The following PFKFB3 variants were observed in gnomAD, a reference collection of about 807,000 sequenced individuals.
The protein encoded by PFKFB3 is 6-phosphofructo-2-kinase/fructose-2,6-biphosphatase 3.
PFKFB3 carries 33 observed loss-of-function variants against 68.0 expected under a neutral mutation model. The ratio of observed to expected loss-of-function variants is 0.49; its 90% CI spans 0.37 to 0.65. PFKFB3 has a LOEUF of 0.65. PFKFB3 is among the 30% of genes least tolerant of loss of function. The pLI is 0.00. For synonymous variants in PFKFB3, 315 were observed against 288.2 expected, an observed-to-expected ratio of 1.09 and a Z score of -0.94; for missense variants, 586 against 712.2, an observed-to-expected ratio of 0.82 and a Z score of 2.02.
chr10:6,290,324 T>A, the PFKFB3 span, among the ~76,000 whole-genome samples: 1 of 151,916 alleles, frequency 6.6e-6, no homozygotes, highest in Non-Finnish European at 1.5e-5. Flanking sequence ...CCATTCAGTA[T>A]GATATTGGCT....
chr10:6,228,211 G>C lies in PFKFB3; in HGVS notation c.1515+1846G>C. ...TCCTCCGCAGCCTTTGCTAGGGCAA[G>C]CCTGTCTGTAAGTATCTCTCCGATC... On this transcript the variant is annotated intron_variant, in intron 14 of 14. Coordinates refer to ENST00000379775, the MANE Select transcript of PFKFB3 (RefSeq NM_004566.4). The surrounding 1 kb of genome is among the most constrained non-coding windows in gnomAD (Gnocchi z 4.5). 2 of 1,612,788 alleles carry C rather than the reference G, an allele frequency of 1.2e-6. No individual in the cohort carries two copies. The highest frequency in any genetic ancestry group is 1.7e-6 in the Non-Finnish European group (2 of 1,179,890).
downstream of PFKFB3, among the ~76,000 whole-genome samples, chr10:6,255,246 TC>T (rs760284126): frequency 3.6e-4 from 54 of 152,022 alleles, no homozygotes; most frequent in Non-Finnish European, 4.3e-4. Flanking sequence ...TGCCTCAGCC[TC>T]CTGAGTAGCT....
upstream of PFKFB3, among the ~76,000 whole-genome samples, chr10:6,198,518 T>A (rs1309588650): frequency 6.6e-6 from 1 of 152,252 alleles, no homozygotes; most frequent in Non-Finnish European, 1.5e-5. Flanking sequence ...AGTCTCGCTC[T>A]GTCACTCAGG....
At chr10:6,216,851 T>G in intron 5 of PFKFB3, 71 bp downstream of exon 5, 3 of 1,029,066 alleles carry the variant, frequency 2.9e-6, no homozygotes, top group Non-Finnish European at 4.5e-6. Flanking sequence ...GCGGCCTGAG[T>G]CCTGCTTGGT....
the PFKFB3 span, among the ~76,000 whole-genome samples, chr10:6,294,876 A>C: frequency 1.3e-5 from 2 of 151,916 alleles, no homozygotes; most frequent in South Asian, 4.2e-4. Context: ...CATATTAATC[A>C]GTTATTTTAC....
chr10:6,311,486 G>A, the PFKFB3 span, among the ~76,000 whole-genome samples: 1 of 144,836 alleles, frequency 6.9e-6, no homozygotes. Flanking sequence ...GGGCCCAGTG[G>A]CTCTCTGGGC....
At chr10:6,300,501 CAGCA>C in the PFKFB3 span, among the ~76,000 whole-genome samples, 1 of 152,200 alleles carries the variant, frequency 6.6e-6, no homozygotes, top group Non-Finnish European at 1.5e-5. Context: ...CAACCTTTAG[CAGCA>C]TGAGCTGCCT....
intron 1 of PFKFB3, among the ~76,000 whole-genome samples, chr10:6,211,431 A>T (rs1306792628): frequency 6.6e-6 from 1 of 152,160 alleles, no homozygotes; most frequent in Admixed American, 6.5e-5. Flanking sequence ...TGCAGTGGGG[A>T]CACCTGGTAA....
chr10:6,267,669 T>C, the PFKFB3 span, among the ~76,000 whole-genome samples: 1 of 151,980 alleles, frequency 6.6e-6, no homozygotes, highest in East Asian at 1.9e-4. Flanking sequence ...AAGATCAAAT[T>C]ACTGGCCGGG....
chr10:6,158,452 A>G (rs1841872998), intron 1 of PFKFB3, among the ~76,000 whole-genome samples: 1 of 152,214 alleles, frequency 6.6e-6, no homozygotes, highest in South Asian at 2.1e-4. Context: ...AGGAAGCCTG[A>G]TGGCTTTCAG....
the PFKFB3 span, among the ~76,000 whole-genome samples, chr10:6,277,413 G>T: frequency 2.0e-5 from 3 of 151,950 alleles, no homozygotes; most frequent in Admixed American, 6.6e-5. Flanking sequence ...TAGAGACAGG[G>T]TTTCACCATG....
chr10:6,267,369 G>A, the PFKFB3 span, among the ~76,000 whole-genome samples: 3 of 152,224 alleles, frequency 2.0e-5, no homozygotes, highest in Admixed American at 2.0e-4. Flanking sequence ...AGGAACTGTG[G>A]GTTTCACTGG....
the PFKFB3 span, among the ~76,000 whole-genome samples, chr10:6,263,869 A>G: frequency 6.6e-6 from 1 of 152,194 alleles, no homozygotes; most frequent in African/African-American, 2.4e-5. Flanking sequence ...TATTTTTAGT[A>G]GAGATGAAGT....
intron 1 of PFKFB3, among the ~76,000 whole-genome samples, chr10:6,175,529 C>T (rs773838417): frequency 1.7e-4 from 26 of 152,316 alleles, no homozygotes; most frequent in African/African-American, 4.8e-4. Context: ...CACTGACCAG[C>T]GCTAGGGCTG....
chr10:6,181,900 A>G, intron 1 of PFKFB3, among the ~76,000 whole-genome samples: 1 of 151,404 alleles, frequency 6.6e-6, no homozygotes, highest in Non-Finnish European at 1.5e-5. Flanking sequence ...GGAGGTGGCC[A>G]GGGGCTGGGG....
the PFKFB3 span, among the ~76,000 whole-genome samples, chr10:6,315,846 T>C: frequency 6.6e-6 from 1 of 152,260 alleles, no homozygotes; most frequent in Non-Finnish European, 1.5e-5. Context: ...TAGGTGATAC[T>C]ACATAATACA....
At chr10:6,187,083 G>A (rs1193071874) in intron 1 of PFKFB3, among the ~76,000 whole-genome samples, 12 of 151,910 alleles carry the variant, frequency 7.9e-5, no homozygotes, top group Non-Finnish European at 1.3e-4. Flanking sequence ...AAAGGCAGCC[G>A]GGCGCAGCGA....
At chr10:6,254,808 CTTTTTTTTTTTTTTTT>C (rs144888417), downstream of PFKFB3, among the ~76,000 whole-genome samples, 1 of 61,622 alleles carries the variant, frequency 1.6e-5, no homozygotes, top group South Asian at 6.1e-4. Flanking sequence ...TTTTTCTGTT[CTTTTTTTTTTTTTTTT>C]TTTTTTTTTT....
the PFKFB3 span, among the ~76,000 whole-genome samples, chr10:6,275,094 G>A: frequency 6.6e-6 from 1 of 152,172 alleles, no homozygotes; most frequent in African/African-American, 2.4e-5. This position sits in a 1 kb window ranked among gnomAD's most constrained non-coding sequence, Gnocchi z 4.9. Context: ...AGGCGACTCT[G>A]GGTGGATTGT....
Sources: allele counts gnomAD v4.1 joint callset (sites outside exome capture counted in the v4.1 genomes callset), GRCh38; gene constraint gnomAD v4.1.1; non-coding constraint Gnocchi (gnomAD v3.1); transcripts MANE v1.5; gene names NCBI Gene and HGNC (gene_info 2026-07-23, HGNC 2026-07-21).